The following DSC3 variants were observed in gnomAD, a reference collection of about 807,000 sequenced individuals.
DSC3 encodes the protein desmocollin 3.
Under a neutral mutation model 89.5 loss-of-function variants are expected in DSC3, and 97 were observed. That is an observed-to-expected ratio of 1.08 (90% CI 0.92 to 1.28). The LOEUF (loss-of-function observed/expected upper bound fraction) is 1.28, where lower values mean the gene tolerates loss of function less well. DSC3 is among the 50% of genes most tolerant of loss of function. The probability of loss-of-function intolerance (pLI) is 0.00; values close to 1 mark genes in which losing one functional copy is unlikely to be tolerated. For synonymous variants in DSC3, 436 were observed against 384.1 expected, an observed-to-expected ratio of 1.14 and a Z score of -1.58; for missense variants, 1,199 against 1,085.3, an observed-to-expected ratio of 1.10 and a Z score of -1.47.
chr18:31,027,721 T>C (rs962244628), intron 4 of DSC3, among the ~76,000 whole-genome samples: 2 of 152,158 alleles, frequency 1.3e-5, no homozygotes, highest in African/African-American at 4.8e-5. Flanking sequence ...GAAAGCAATA[T>C]GTCCCTTGGT....
In DSC3 at chr18:31,029,722, T is replaced by C. The variant is rs373310777; in HGVS notation, c.355-94A>G. On this transcript the variant is annotated intron_variant, in intron 3 of 15. Transcript: ENST00000360428. Reference sequence around the variant, plus strand: ...GACAGCTCATAAACCTAATCCTTCTTTGGAGTTTCAGTGTCAGGCATTTCC... The same window carrying C: ...GACAGCTCATAAACCTAATCCTTCTCTGGAGTTTCAGTGTCAGGCATTTCC... The C allele has an allele frequency of 3.8e-4, 584 of 1,530,898 alleles. 6 individuals carry two copies. In the East Asian group the frequency reaches 6.1e-3, roughly 16 times the overall value. 94.8% of individuals were successfully genotyped at this position (1,530,898 alleles called of 1,614,324 possible).
intron 12 of DSC3, among the ~76,000 whole-genome samples, chr18:31,005,908 A>G (rs1251296652): frequency 6.6e-6 from 1 of 152,150 alleles, no homozygotes; most frequent in Non-Finnish European, 1.5e-5. Context: ...AATCCTCAGG[A>G]TCTGGACGAG....
At chr18:31,017,250 C>T (rs1406031826) in intron 9 of DSC3, among the ~76,000 whole-genome samples, 1 of 152,120 alleles carries the variant, frequency 6.6e-6, no homozygotes, top group Admixed American at 6.5e-5. Flanking sequence ...GAAATTTTTA[C>T]AGAGGAAATA....
At chr18:31,023,989 A>G (rs2144718943) in intron 6 of DSC3, among the ~76,000 whole-genome samples, 1 of 152,136 alleles carries the variant, frequency 6.6e-6, no homozygotes, top group Admixed American at 6.6e-5. Flanking sequence ...AAAAAACTAT[A>G]CCGATTTTAG....
rs1464392039 is a variant in DSC3 at position 30,996,880 on chromosome 18, C to T, written c.2404G>A (p.Asp802Asn). ...CRGAGHHHTL[D>N]SCRGGHTEVD... ...TCCGTGTGTCCTCCCCTGCAGGAGT[C>T]CAGGGTATGATGATGCCCAGCCCCC... is the stretch of plus-strand genomic sequence containing the variant. Residue 802 changes from aspartate (D) to asparagine (N), a missense_variant, in exon 15 of 16, where the codon GAC becomes AAC. Transcript: ENST00000360428. The T allele has an allele frequency of 6.2e-7, 1 of 1,613,764 alleles. No individual in the cohort carries two copies. The highest frequency in any genetic ancestry group is 1.7e-5 in the Admixed American group (1 of 59,958).
At chr18:31,021,037 A>C (rs1012852857) in intron 7 of DSC3, among the ~76,000 whole-genome samples, 14 of 151,200 alleles carry the variant, frequency 9.3e-5, no homozygotes, top group African/African-American at 3.2e-4. Context: ...TATTCTTTTT[A>C]TCTTCCTCTA....
At chr18:31,011,994 T>TA (rs1383505612) in intron 9 of DSC3, among the ~76,000 whole-genome samples, 1 of 93,450 alleles carries the variant, frequency 1.1e-5, no homozygotes, top group Non-Finnish European at 2.2e-5. Context: ...AAAAAGTACT[T>TA]AAAGACATGA....
intron 9 of DSC3, among the ~76,000 whole-genome samples, chr18:31,017,483 C>T (rs765662847): frequency 8.1e-4 from 124 of 152,216 alleles, no homozygotes; most frequent in Admixed American, 2.2e-3. Flanking sequence ...AAATATACAA[C>T]ATACTGAACA....
In DSC3 at chr18:31,031,172, A is replaced by T; in HGVS notation, c.155T>A (p.Val52Asp). The change falls in exon 3 of 16, where the codon GTT becomes GAT. Residue 52 changes from valine to aspartate, a missense_variant and splice_region_variant. Physicochemically the swap from Val to Asp is radical, Grantham distance 152. Coordinates refer to ENST00000360428, the MANE Select transcript of DSC3 (RefSeq NM_001941.5). Reference protein sequence around the residue: ...KLEADKIIGRVNLEECFRSAD... With the variant: ...KLEADKIIGRDNLEECFRSAD... ...AGACCTGAAGCACTCTTCCAAATTA[A>T]CTGCAAGTAAAAATTTCCAAGTTGT... 1.2e-6 allele frequency: 2 copies of T among 1,606,906 alleles called. No homozygotes were observed. Among genetic ancestry groups the T allele is most frequent in the Non-Finnish European group, 1.7e-6 (2 of 1,176,830 alleles).
Position 31,041,023 on chromosome 18 carries a change from G to C in DSC3, c.69+1569C>G, listed in dbSNP as rs141839649. On this transcript the variant is annotated intron_variant, in intron 1 of 15. Transcript: ENST00000360428. ...ATTTTAAAAAAAAAAAATCTTAAAC[G>C]AGTATGTGCTAGATCAAAGCTGAAG... Among the ~76,000 whole-genome samples, 560 of 151,982 alleles carry C rather than the reference G, an allele frequency of 3.7e-3. 5 individuals carry two copies. Among genetic ancestry groups the C allele is most frequent in the South Asian group, 0.02 (95 of 4,812 alleles).
Position 31,030,969 on chromosome 18 carries a change from A to G in DSC3, c.354+4T>C. 6.2e-7 allele frequency: 1 copy of G among 1,612,514 alleles called. No homozygotes were observed. The highest frequency in any genetic ancestry group is 8.5e-7 in the Non-Finnish European group (1 of 1,178,604). On this transcript the variant is annotated splice_donor_region_variant and intron_variant, in intron 3 of 15. Transcript: ENST00000360428. ...ACTGAAAATATTTAATGTACTTTAA[A>G]TACCTTCTTCTGATGTTCTAGCAGC...
Position 31,031,005 on chromosome 18 carries a change from C to G in DSC3, c.322G>C (p.Glu108Gln). The stretch of plus-strand genomic sequence containing the variant: ...TGATGTTCTAGCAGCACAGTAACCT[C>G]TTTCTGTGTCTGTTTCCTTTTGTCA... The part of the protein sequence containing the change: ...LSDKRKQTQK[E>Q]VTVLLEHQKK... Residue 108 changes from glutamate to glutamine, a missense_variant, in exon 3 of 16, where the codon GAG becomes CAG. Transcript: ENST00000360428. 1 of 1,614,020 alleles carries G rather than the reference C, an allele frequency of 6.2e-7. No homozygotes were observed. The highest frequency in any genetic ancestry group is 8.5e-7 in the Non-Finnish European group (1 of 1,179,904).
At position 30,991,527 on chromosome 18, in the gene DSC3, G is replaced by C. The variant is rs901749111; in HGVS notation, c.*2648C>G. 1 of 152,182 alleles carries C rather than the reference G, an allele frequency of 6.6e-6. No homozygotes were observed. Among genetic ancestry groups the C allele is most frequent in the South Asian group, 2.1e-4 (1 of 4,828 alleles). 9.4% of individuals were successfully genotyped at this position (152,182 alleles called of 1,614,324 possible). A position where few individuals can be genotyped will look rare whatever the true frequency, so the allele number is the denominator to read the frequency against. On this transcript the variant is annotated 3_prime_UTR_variant, in exon 16 of 16. Coordinates refer to ENST00000360428, the MANE Select transcript of DSC3 (RefSeq NM_001941.5). ...TTCAAAGAACAAAGAGATGGTTAGA[G>C]GTTTTATAAACAGGGAAGTGATACT...
In DSC3 at chr18:31,025,774, A is replaced by G. The variant is rs766648354; in HGVS notation, c.616T>C (p.Tyr206His). ...FCTRPVDREEYDVFDLIAYAS... is the reference protein window; with the variant it reads ...FCTRPVDREEHDVFDLIAYAS... ...AAAAGTCCTACATCAAAAACATCAT[A>G]TTCTTCACGATCCACAGGCCGAGTG... Residue 206 changes from tyrosine (Y) to histidine (H), a missense_variant, in exon 5 of 16, where the codon TAT (tyrosine) becomes CAT (histidine). Tyr to His is a moderately conservative substitution (Grantham distance 83). Coordinates refer to ENST00000360428, the MANE Select transcript of DSC3 (RefSeq NM_001941.5). 6.2e-7 allele frequency: 1 copy of G among 1,613,050 alleles called. No individual in the cohort carries two copies. Among genetic ancestry groups the G allele is most frequent in the Non-Finnish European group, 8.5e-7 (1 of 1,179,274 alleles).
chr18:31,033,145 A>G (rs1985855971), intron 1 of DSC3, among the ~76,000 whole-genome samples: 1 of 152,158 alleles, frequency 6.6e-6, no homozygotes, highest in African/African-American at 2.4e-5. Flanking sequence ...ACCATAAAAC[A>G]TTGCTGAAGG....
intron 1 of DSC3, among the ~76,000 whole-genome samples, chr18:31,038,236 A>AT: frequency 6.6e-6 from 1 of 152,268 alleles, no homozygotes; most frequent in South Asian, 2.1e-4. Context: ...AGAGTTCTGT[A>AT]TTTTTTTGTT....
chr18:31,027,601 G>T (rs1985643338), intron 4 of DSC3, among the ~76,000 whole-genome samples: 1 of 152,012 alleles, frequency 6.6e-6, no homozygotes, highest in Non-Finnish European at 1.5e-5. Flanking sequence ...GCTGGTTGGT[G>T]CAGTTCAGAG....
Position 31,018,090 on chromosome 18 carries a change from C to A in DSC3, c.1244G>T (p.Gly415Val). 1 of 1,612,310 alleles carries A rather than the reference C, an allele frequency of 6.2e-7. No individual in the cohort carries two copies. Among genetic ancestry groups the A allele is most frequent in the South Asian group, 1.1e-5 (1 of 90,826 alleles). Residue 415 changes from glycine (G) to valine (V), a missense_variant, in exon 9 of 16, where the codon GGT becomes GTT. Physicochemically the swap from Gly to Val is moderately radical, Grantham distance 109. Transcript: ENST00000360428. ...CTGTACCTTTACAACAGAAAGAACACCTTCATTAGTTTCTTTGTCTGTGCT... is the reference window on the plus strand; with the variant it reads ...CTGTACCTTTACAACAGAAAGAACAACTTCATTAGTTTCTTTGTCTGTGCT... ...KISTDKETNEGVLSVVKPLNY... is the reference protein window; with the variant it reads ...KISTDKETNEVVLSVVKPLNY...
chr18:31,010,194 T>A (rs1217086778), intron 9 of DSC3, among the ~76,000 whole-genome samples: 2 of 152,200 alleles, frequency 1.3e-5, no homozygotes, highest in South Asian at 2.1e-4. Context: ...AATCTTAGAA[T>A]CTACAAAACA....
Sources: gnomAD v4.1 joint callset for allele counts (sites outside exome capture counted in the v4.1 genomes callset) on GRCh38, gnomAD v4.1.1 for gene constraint, MANE v1.5 for transcripts, NCBI Gene and HGNC (gene_info 2026-07-23, HGNC 2026-07-21) for gene names.